Variants in ANO3 observed in about 807,000 individuals in gnomAD.
ANO3 encodes the protein anoctamin 3.
Under a neutral mutation model 144.8 loss-of-function variants are expected in ANO3, and 99 were observed. That is an observed-to-expected ratio of 0.68 (90% CI 0.58 to 0.81). The LOEUF (loss-of-function observed/expected upper bound fraction) is 0.81. Among genes scored for constraint, ANO3 ranks in the 30% least tolerant of loss-of-function variants. The pLI is 0.00. For missense variants in ANO3, 905 were observed against 1,202.2 expected (o/e 0.75, Z 3.66); for synonymous variants, 414 against 392.6 (o/e 1.05, Z -0.64).
At chr11:26,471,032 C>A (rs1590389915) in intron 4 of ANO3, among the ~76,000 whole-genome samples, 1 of 151,914 alleles carries the variant, frequency 6.6e-6, no homozygotes. Flanking sequence ...ACTTTTGCAC[C>A]AGAAGCTGTG....
At chr11:26,288,741 G>T (rs12289947) in intron 1 of ANO3, among the ~76,000 whole-genome samples, 1 of 151,932 alleles carries the variant, frequency 6.6e-6, no homozygotes, top group Non-Finnish European at 1.5e-5. Context: ...GAAGTGAGAG[G>T]AATATTACTT....
chr11:26,460,608 A>G (rs1336156461), intron 3 of ANO3, among the ~76,000 whole-genome samples: 23 of 152,056 alleles, frequency 1.5e-4, no homozygotes, highest in Admixed American at 1.5e-3. Flanking sequence ...ATGTGGTGGT[A>G]TTTGGCAAAT....
chr11:26,540,033 C>G (rs546577576), intron 10 of ANO3, among the ~76,000 whole-genome samples: 1 of 152,138 alleles, frequency 6.6e-6, no homozygotes, highest in East Asian at 1.9e-4. Context: ...ATATTGTCCT[C>G]TTTTTAGATA....
chr11:26,438,675 G>T (rs118112868), intron 1 of ANO3, among the ~76,000 whole-genome samples: 12 of 151,196 alleles, frequency 7.9e-5, no homozygotes, highest in African/African-American at 2.7e-4. Context: ...CTACTCGGGG[G>T]GCTGGGGCAG....
intron 17 of ANO3, among the ~76,000 whole-genome samples, chr11:26,621,171 A>G (rs1294853932): frequency 6.6e-6 from 1 of 152,086 alleles, no homozygotes; most frequent in South Asian, 2.1e-4. Context: ...TTTTCTCCCT[A>G]ACTGGTTTTT....
At chr11:26,446,049 C>T (rs1858691972) in intron 3 of ANO3, among the ~76,000 whole-genome samples, 2 of 152,084 alleles carry the variant, frequency 1.3e-5, no homozygotes, top group Non-Finnish European at 2.9e-5. Context: ...CCAGGCTGGT[C>T]TCAAACTCCC....
intron 10 of ANO3, among the ~76,000 whole-genome samples, chr11:26,540,042 T>C (rs1412240212): frequency 6.6e-6 from 1 of 152,072 alleles, no homozygotes; most frequent in Admixed American, 6.6e-5. Flanking sequence ...TCTTTTTAGA[T>C]AATAAAAGCA....
intron 4 of ANO3, among the ~76,000 whole-genome samples, chr11:26,488,974 G>A (rs375610802): frequency 4.6e-5 from 7 of 152,126 alleles, no homozygotes; most frequent in Non-Finnish European, 7.3e-5. Flanking sequence ...TGATTGGTGC[G>A]TTTATAATCC....
At chr11:26,625,531 T>C (rs10742152) in intron 18 of ANO3, among the ~76,000 whole-genome samples, 90,242 of 151,948 alleles carry the variant, frequency 0.59, 27,115 homozygotes, top group East Asian at 0.71. Context: ...ACCTACGGCA[T>C]GGTATATTCT....
intron 14 of ANO3, chr11:26,572,403 T>TC (rs375448234): frequency 8.0e-6 from 2 of 249,054 alleles, no homozygotes; most frequent in Non-Finnish European, 1.3e-5. Flanking sequence ...ATTTTTTTTT[T>TC]CACCCTAAGT....
At chr11:26,405,154 A>G (rs1336147074) in intron 1 of ANO3, among the ~76,000 whole-genome samples, 1 of 151,874 alleles carries the variant, frequency 6.6e-6, no homozygotes, top group Admixed American at 6.6e-5. Context: ...TTTCATGGGA[A>G]AGAATAATAA....
At chr11:26,266,251 A>G (rs553692044) in intron 1 of ANO3, among the ~76,000 whole-genome samples, 68 of 152,172 alleles carry the variant, frequency 4.5e-4, no homozygotes, top group African/African-American at 1.6e-3. Context: ...CACCTCTCTC[A>G]TTCATCACTT....
intron 1 of ANO3, among the ~76,000 whole-genome samples, chr11:26,207,386 G>A (rs1386789394): frequency 6.6e-6 from 1 of 152,124 alleles, no homozygotes; most frequent in African/African-American, 2.4e-5. Flanking sequence ...TGTACTTACG[G>A]TCCAATTGCC....
At chr11:26,600,234 G>A (rs937782746) in intron 17 of ANO3, among the ~76,000 whole-genome samples, 3 of 128,796 alleles carry the variant, frequency 2.3e-5, no homozygotes, top group Non-Finnish European at 3.3e-5. Flanking sequence ...CTCTTCTCTC[G>A]TCTCCTTTCC....
chr11:26,246,486 A>G (rs990503999), intron 1 of ANO3, among the ~76,000 whole-genome samples: 6 of 144,726 alleles, frequency 4.1e-5, no homozygotes, highest in African/African-American at 2.5e-5. Context: ...ATATATTATG[A>G]GTATAAACTG....
intron 17 of ANO3, among the ~76,000 whole-genome samples, chr11:26,603,242 A>G (rs1386471899): frequency 6.6e-6 from 1 of 152,086 alleles, no homozygotes; most frequent in Non-Finnish European, 1.5e-5. Context: ...ATAGATCAAA[A>G]TATTTTCTAG....
intron 1 of ANO3, among the ~76,000 whole-genome samples, chr11:26,382,019 T>G (rs1212953847): frequency 2.6e-5 from 4 of 152,186 alleles, no homozygotes; most frequent in Non-Finnish European, 5.9e-5. Flanking sequence ...ATACATTCAC[T>G]CTCTATTTCA....
At position 26,540,997 on chromosome 11, in the gene ANO3, G is replaced by A. The variant is rs112569053; in HGVS notation, c.1033-950G>A. On this transcript the variant is annotated intron_variant, in intron 10 of 26. Coordinates refer to ENST00000256737, the MANE Select transcript of ANO3 (RefSeq NM_031418.4). ...TTCTACTATGAAGGCACATGCACAC[G>A]TATGTTTATTGCAGCAATATTCACA... Among the ~76,000 whole-genome samples, 7 of 152,230 alleles carry A rather than the reference G, an allele frequency of 4.6e-5. No individual in the cohort carries two copies. The South Asian group carries it at 1.0e-3, about 23-fold the overall frequency.
intron 1 of ANO3, among the ~76,000 whole-genome samples, chr11:26,362,417 C>A (rs1855951723): frequency 6.6e-6 from 1 of 152,004 alleles, no homozygotes; most frequent in African/African-American, 2.4e-5. Context: ...TATACATGAC[C>A]CTGAAATCCC....
Sources: allele counts gnomAD v4.1 joint callset (sites outside exome capture counted in the v4.1 genomes callset), GRCh38; gene constraint gnomAD v4.1.1; transcripts MANE v1.5; gene names NCBI Gene and HGNC (gene_info 2026-07-23, HGNC 2026-07-21).